Variants in SMN2 observed in about 807,000 individuals in gnomAD.
SMN2 encodes the protein survival of motor neuron 2, centromeric.
In SMN2, 1 loss-of-function variant was observed where a neutral mutation model predicts 2.8. The ratio of observed to expected loss-of-function variants is 0.35; its 90% confidence interval spans 0.13 to 1.68. SMN2 has a LOEUF of 1.68. Ranked by LOEUF, SMN2 falls within the 40% of genes most tolerant of loss-of-function variation. SMN2 has a pLI of 0.35. For missense variants in SMN2, 12 were observed against 16.9 expected (o/e 0.71, Z 0.51); for synonymous variants, 5 against 5.0 (o/e 0.99, Z 0.01).
At chr5:70,079,431 C>CAAAAAAAA (rs58866189), downstream of SMN2, among the ~76,000 whole-genome samples, 7 of 103,872 alleles carry the variant, frequency 6.7e-5, no homozygotes, top group Non-Finnish European at 9.7e-5. Context: ...GACTCCGTCT[C>CAAAAAAAA]AAAAAAAAAA....
intron 1 of SMN2, among the ~76,000 whole-genome samples, chr5:70,052,816 A>G (rs1177492865): frequency 1.5e-5 from 1 of 67,586 alleles, no homozygotes; most frequent in African/African-American, 5.3e-5. Flanking sequence ...CGGGATGTGG[A>G]GTTTGCAGTG....
chr5:70,083,515 C>T (rs547211930), downstream of SMN2, among the ~76,000 whole-genome samples: 14 of 135,798 alleles, frequency 1.0e-4, no homozygotes, highest in East Asian at 6.2e-4. Context: ...ATGTTTATTG[C>T]GGCACTATTC....
chr5:70,074,923 C>A lies in SMN2; in HGVS notation c.835-1598C>A, dbSNP rs9686290. On this transcript the variant is annotated intron_variant, in intron 7 of 8. Coordinates refer to ENST00000380743, the MANE Select transcript of SMN2 (RefSeq NM_017411.4). ...AGGAGAATTGCTTGAACCGAGAAGG[C>A]GGAGGTTGCGGTGAGCCAAGATTGC... Among the ~76,000 whole-genome samples the A allele has an allele frequency of 2.9e-5, 3 of 103,032 alleles. 1 individual carries two copies. The highest frequency in any genetic ancestry group is 1.1e-4 in the African/African-American group (3 of 26,258). The allele number at this position is 103,032 out of a possible 152,430, so 67.6% of individuals were successfully genotyped here.
In SMN2 at chr5:70,076,101, T is replaced by G. The variant is rs1187058149; in HGVS notation, c.835-420T>G. ...AACTCCTGAGCTCAGGTGATCCAAC[T>G]GTCTCGGCCTCCCAAAGTGCTGGGA... On this transcript the variant is annotated intron_variant, in intron 7 of 8. Transcript: ENST00000380743. Among the ~76,000 whole-genome samples, 3 of 119,906 alleles carry G rather than the reference T, an allele frequency of 2.5e-5. 1 individual carries two copies. Among genetic ancestry groups the G allele is most frequent in the African/African-American group, 1.1e-4 (3 of 26,484 alleles). 78.7% of individuals were successfully genotyped at this position (119,906 alleles called of 152,430 possible). A position where few individuals can be genotyped will look rare whatever the true frequency, so the allele number is the denominator to read the frequency against.
intron 7 of SMN2, among the ~76,000 whole-genome samples, chr5:70,071,006 ATAAT>A (rs1774572228): frequency 2.2e-5 from 2 of 91,684 alleles, no homozygotes; most frequent in Admixed American, 2.4e-4. Context: ...CTTTTTCTAA[ATAAT>A]GTTTTAATCT....
At chr5:70,076,384 G>A in intron 7 of SMN2, 137 bp from the exon 8 acceptor site, 1 of 482,844 alleles carries the variant, frequency 2.1e-6, no homozygotes, top group East Asian at 3.2e-5. Flanking sequence ...CTTAATTTCT[G>A]ATCATATTTT....
Position 70,052,139 on chromosome 5 carries a change from C to T in SMN2, c.81+2373C>T, listed in dbSNP as rs1204059282. 1.1e-4 allele frequency among the ~76,000 whole-genome samples: 13 copies of T among 116,538 alleles called. No homozygotes were observed. The East Asian group carries it at 2.5e-3, about 23-fold the overall frequency. 76.5% of individuals were successfully genotyped at this position (116,538 alleles called of 152,430 possible). A position where few individuals can be genotyped will look rare whatever the true frequency, so the allele number is the denominator to read the frequency against. ...CCAGGAGGTGGAGGTTGCAGTGAGC[C>T]GAGATCACGCCACTGTACTCCAGCC... On this transcript the variant is annotated intron_variant, in intron 1 of 8. Transcript: ENST00000380743.
At chr5:70,088,396 A>G in the SMN2 span, among the ~76,000 whole-genome samples, 1 of 107,586 alleles carries the variant, frequency 9.3e-6, no homozygotes, top group Non-Finnish European at 1.8e-5. Flanking sequence ...GCTCAGAAGA[A>G]GACAGGAAAA....
At chr5:70,052,125 A>G (rs1580725406) in intron 1 of SMN2, among the ~76,000 whole-genome samples, 1 of 105,428 alleles carries the variant, frequency 9.5e-6, no homozygotes, top group Non-Finnish European at 2.1e-5. Flanking sequence ...CAGGAGGTGG[A>G]GGTTGCAGTG....
In SMN2 at chr5:70,076,489, A is replaced by G. The variant is rs754829446; in HGVS notation, c.835-32A>G. On this transcript the variant is annotated intron_variant, in intron 7 of 8. Coordinates refer to ENST00000380743, the MANE Select transcript of SMN2 (RefSeq NM_017411.4). ...TATAGCTATCTATATCTATATAGCTATTTTTTTTAACTTCCTTTATTTTCC... is the reference window on the plus strand; with the variant it reads ...TATAGCTATCTATATCTATATAGCTGTTTTTTTTAACTTCCTTTATTTTCC... 4 of 1,387,534 alleles carry G rather than the reference A, an allele frequency of 2.9e-6. 1 individual carries two copies. Among genetic ancestry groups the G allele is most frequent in the African/African-American group, 1.8e-5 (1 of 54,352 alleles). 86.0% of individuals were successfully genotyped at this position (1,387,534 alleles called of 1,614,324 possible).
the SMN2 span, among the ~76,000 whole-genome samples, chr5:70,088,424 CTTTTTTTTTTTTTTTTTTTT>C: frequency 5.5e-3 from 200 of 36,496 alleles, 1 homozygote; most frequent in Non-Finnish European, 6.8e-3. Context: ...AAGTTTCAAA[CTTTTTTTTTTTTTTTTTTTT>C]TTTTTTTTTT....
At chr5:70,075,008 A>G (rs1196535082) in intron 7 of SMN2, among the ~76,000 whole-genome samples, 1 of 126,356 alleles carries the variant, frequency 7.9e-6, no homozygotes. Flanking sequence ...AAAAAGGAAG[A>G]AAAATATTTT....
chr5:70,052,881 CAAAAAAAAAAA>C (rs1319873489), intron 1 of SMN2, among the ~76,000 whole-genome samples: 1 of 71,188 alleles, frequency 1.4e-5, no homozygotes, highest in African/African-American at 4.8e-5. Context: ...GACTCTGCCT[CAAAAAAAAAAA>C]AAAAAAAAAG....
chr5:70,070,384 C>A (rs1774556717), intron 6 of SMN2, among the ~76,000 whole-genome samples: 1 of 29,364 alleles, frequency 3.4e-5, no homozygotes, highest in African/African-American at 1.8e-4. Context: ...AATTTAAGGC[C>A]AGGTACAGTG....
At chr5:70,080,721 T>G (rs201518911), downstream of SMN2, among the ~76,000 whole-genome samples, 108 of 124,184 alleles carry the variant, frequency 8.7e-4, 1 homozygote, top group African/African-American at 1.8e-3. Context: ...GGGTTGTCTG[T>G]TTTTTTCTTG....
At chr5:70,085,706 TCATAGAA>T in the SMN2 span, among the ~76,000 whole-genome samples, 1 of 23,550 alleles carries the variant, frequency 4.2e-5, no homozygotes, top group Admixed American at 4.8e-4. Context: ...TGTGGCAACT[TCATAGAA>T]CATAACTACC....
At position 70,076,530 on chromosome 5, in the gene SMN2, C is replaced by G; in HGVS notation, c.844C>G (p.Gln282Glu). Reference protein sequence around the residue: ...YHTGYYMGFRQNQKEGRCSHS... With the variant: ...YHTGYYMGFRENQKEGRCSHS... ...TTTATTTTCCTTACAGGGTTTTAGA[C>G]AAAATCAAAAAGAAGGAAGGTGCTC... Residue 282 changes from glutamine (Q) to glutamate (E), a missense_variant, in exon 8 of 9, where the codon CAA becomes GAA. Transcript: ENST00000380743. 6.8e-7 allele frequency: 1 copy of G among 1,462,546 alleles called. No individual in the cohort carries two copies. Among genetic ancestry groups the G allele is most frequent in the South Asian group, 1.2e-5 (1 of 85,330 alleles). 90.6% of individuals were successfully genotyped at this position (1,462,546 alleles called of 1,614,324 possible).
At chr5:70,083,620 C>T in the SMN2 span, among the ~76,000 whole-genome samples, 4 of 135,788 alleles carry the variant, frequency 2.9e-5, 2 homozygotes, top group Non-Finnish European at 6.1e-5. Flanking sequence ...TACTATGCAA[C>T]CATAAGAAAT....
chr5:70,084,924 A>G, the SMN2 span, among the ~76,000 whole-genome samples: 9 of 138,122 alleles, frequency 6.5e-5, 2 homozygotes, highest in African/African-American at 2.7e-4. Flanking sequence ...GAGGTGAAAA[A>G]TTTGAGAACC....
Sources: gnomAD v4.1 joint callset for allele counts (sites outside exome capture counted in the v4.1 genomes callset) on GRCh38, gnomAD v4.1.1 for gene constraint, MANE v1.5 for transcripts, NCBI Gene and HGNC (gene_info 2026-07-23, HGNC 2026-07-21) for gene names.